EXT1: variants seen among roughly 807,000 people sequenced by gnomAD.
The protein encoded by EXT1 is exostosin-1.
Under a neutral mutation model 82.5 loss-of-function variants are expected in EXT1, and 20 were observed. That is an observed-to-expected ratio of 0.24 (90% CI 0.17 to 0.35). EXT1 has a LOEUF of 0.35. Ranked by LOEUF, EXT1 falls within the 10% of genes least tolerant of loss-of-function variation. The probability of loss-of-function intolerance (pLI) is 1.00; values close to 1 mark genes in which losing one functional copy is unlikely to be tolerated. For missense variants in EXT1, 757 were observed against 936.5 expected, an observed-to-expected ratio of 0.81 and a Z score of 2.50; for synonymous variants, 348 against 350.8, an observed-to-expected ratio of 0.99 and a Z score of 0.09.
chr8:118,096,992 C>T (rs1470390884), intron 1 of EXT1, among the ~76,000 whole-genome samples: 1 of 152,126 alleles, frequency 6.6e-6, no homozygotes, highest in East Asian at 1.9e-4. Flanking sequence ...GTGAGTCAGT[C>T]GGGCATGGTG....
chr8:117,809,631 C>A (rs527941239), intron 8 of EXT1, among the ~76,000 whole-genome samples: 1,656 of 115,110 alleles, frequency 0.014, 38 homozygotes, highest in African/African-American at 0.043. Context: ...AGTGAGACTC[C>A]GTCAAAAAAA....
chr8:117,856,274 G>A (rs1812555753), intron 1 of EXT1, among the ~76,000 whole-genome samples: 1 of 150,072 alleles, frequency 6.7e-6, no homozygotes. Context: ...TTTTGTGGGG[G>A]GACGGAGTCT....
At chr8:117,855,419 G>A (rs989648277) in intron 1 of EXT1, among the ~76,000 whole-genome samples, 1 of 152,120 alleles carries the variant, frequency 6.6e-6, no homozygotes, top group Non-Finnish European at 1.5e-5. Flanking sequence ...ATGTTAGGGT[G>A]ATTTGTGATC....
intron 1 of EXT1, among the ~76,000 whole-genome samples, chr8:118,096,740 TG>T (rs1817626554): frequency 1.3e-5 from 2 of 150,868 alleles, no homozygotes; most frequent in South Asian, 2.1e-4. Flanking sequence ...AAGGATACCT[TG>T]GGGAAAAAAA....
At chr8:118,002,690 C>G (rs1427840104) in intron 1 of EXT1, among the ~76,000 whole-genome samples, 1 of 151,602 alleles carries the variant, frequency 6.6e-6, no homozygotes, top group Non-Finnish European at 1.5e-5. Context: ...CACCACCACG[C>G]CCCCCTAATT....
chr8:118,099,922 G>A (rs1222805743), intron 1 of EXT1, among the ~76,000 whole-genome samples: 1 of 152,164 alleles, frequency 6.6e-6, no homozygotes, highest in East Asian at 1.9e-4. Context: ...CCTAACCACA[G>A]TCCTCTGTTG....
At chr8:118,057,983 A>AG (rs1392374747) in intron 1 of EXT1, among the ~76,000 whole-genome samples, 1 of 151,880 alleles carries the variant, frequency 6.6e-6, no homozygotes, top group Admixed American at 6.6e-5. Flanking sequence ...AAGAAAAAAA[A>AG]AAAAAAAAAG....
At chr8:117,831,791 G>C in intron 3 of EXT1, 1 of 395,948 alleles carries the variant, frequency 2.5e-6, no homozygotes, top group Non-Finnish European at 5.1e-6. Flanking sequence ...CTCCCCTTAG[G>C]AGGAGCAATA....
At chr8:117,831,759 T>C in intron 3 of EXT1, 1 of 449,176 alleles carries the variant, frequency 2.2e-6, no homozygotes, top group Non-Finnish European at 4.6e-6. Flanking sequence ...AAGGAAGTGG[T>C]AGCACATTTT....
intron 1 of EXT1, among the ~76,000 whole-genome samples, chr8:117,986,271 C>A (rs896236635): frequency 1.3e-5 from 2 of 151,366 alleles, no homozygotes; most frequent in Non-Finnish European, 2.9e-5. Context: ...CTCACTGCAA[C>A]CTCTGCCTCC....
chr8:117,969,992 TG>T (rs1752061330), intron 1 of EXT1, among the ~76,000 whole-genome samples: 1 of 152,210 alleles, frequency 6.6e-6, no homozygotes, highest in Non-Finnish European at 1.5e-5. Flanking sequence ...TTCTAGTGTC[TG>T]CTCTACCACA....
At chr8:118,073,703 A>AGAAGAGAAGC (rs1563647860) in intron 1 of EXT1, among the ~76,000 whole-genome samples, 2 of 101,024 alleles carry the variant, frequency 2.0e-5, no homozygotes, top group Non-Finnish European at 2.4e-5. Context: ...AGAAGAGAAG[A>AGAAGAGAAGC]GAAGCCTCTT....
At chr8:117,919,493 A>G (rs188534643) in intron 1 of EXT1, among the ~76,000 whole-genome samples, 1 of 144,014 alleles carries the variant, frequency 6.9e-6, no homozygotes, top group Non-Finnish European at 1.5e-5. Flanking sequence ...CTTGGCCAAC[A>G]TCTGAGTTAA....
rs71307424 is a variant in EXT1 at position 118,066,332 on chromosome 8, C to CTTTATTTATTTA, written c.962+43741_962+43752dup. On this transcript the variant is annotated intron_variant, in intron 1 of 10. Coordinates refer to ENST00000378204, the MANE Select transcript of EXT1 (RefSeq NM_000127.3). ...CTTAATAACATTTTCTTTTCTCTAG[C>CTTTATTTATTTA]TTTATTTATTTATTTATTTATTTAT... 3.8e-3 allele frequency among the ~76,000 whole-genome samples: 547 copies of CTTTATTTATTTA among 143,934 alleles called. 1 individual carries two copies. Among genetic ancestry groups the CTTTATTTATTTA allele is most frequent in the East Asian group, 0.01 (50 of 4,804 alleles). 94.4% of individuals were successfully genotyped at this position (143,934 alleles called of 152,430 possible).
At chr8:118,109,489 TAC>T (rs1817855099) in intron 1 of EXT1, among the ~76,000 whole-genome samples, 1 of 151,912 alleles carries the variant, frequency 6.6e-6, no homozygotes, top group African/African-American at 2.4e-5. Flanking sequence ...CCAACAAGTT[TAC>T]AGTCTCCCTT....
chr8:118,009,015 T>C (rs748598475), intron 1 of EXT1, among the ~76,000 whole-genome samples: 8 of 152,122 alleles, frequency 5.3e-5, no homozygotes, highest in African/African-American at 9.7e-5. Context: ...CCAGGAGATT[T>C]AAAAGGAAAC....
At chr8:117,899,924 T>G (rs139006209) in intron 1 of EXT1, among the ~76,000 whole-genome samples, 1 of 152,190 alleles carries the variant, frequency 6.6e-6, no homozygotes, top group African/African-American at 2.4e-5. Context: ...TGTAGTTACA[T>G]GAGCAAAAGA....
chr8:118,004,953 C>G (rs17479998), intron 1 of EXT1, among the ~76,000 whole-genome samples: 1 of 152,172 alleles, frequency 6.6e-6, no homozygotes, highest in Non-Finnish European at 1.5e-5. Flanking sequence ...CACCACACTC[C>G]GTAGGACATT....
intron 1 of EXT1, among the ~76,000 whole-genome samples, chr8:118,091,213 T>C (rs1817518592): frequency 1.3e-5 from 2 of 152,204 alleles, no homozygotes; most frequent in Non-Finnish European, 2.9e-5. Context: ...TCAAGTTCCA[T>C]AAAGCAGGCT....
Sources: allele counts gnomAD v4.1 joint callset (sites outside exome capture counted in the v4.1 genomes callset), GRCh38; gene constraint gnomAD v4.1.1; transcripts MANE v1.5; gene names NCBI Gene and HGNC (gene_info 2026-07-23, HGNC 2026-07-21).